The following RP1 variants were observed in gnomAD, a reference collection of about 807,000 sequenced individuals.
RP1 encodes RP1 axonemal microtubule associated.
A neutral mutation model predicts 14.8 loss-of-function variants in RP1; 16 were observed. The ratio of observed to expected loss-of-function variants is 1.08; its 90% confidence interval spans 0.73 to 1.65. The LOEUF (loss-of-function observed/expected upper bound fraction) is 1.65, where lower values mean the gene tolerates loss of function less well. Ranked by LOEUF, RP1 falls within the 40% of genes most tolerant of loss-of-function variation. RP1 has a pLI of 0.00. For synonymous variants in RP1, 876 were observed against 883.6 expected (o/e 0.99, Z 0.15); for missense variants, 2,631 against 2,535.0 (o/e 1.04, Z -0.81).
chr8:54,580,729 C>T (rs957420370), intron 1 of RP1, among the ~76,000 whole-genome samples: 4 of 151,976 alleles, frequency 2.6e-5, no homozygotes, highest in African/African-American at 9.7e-5. Flanking sequence ...AGTGATTCTC[C>T]TGCCCCAGCC....
intron 12 of RP1, among the ~76,000 whole-genome samples, chr8:54,683,825 C>T (rs1807489537): frequency 1.3e-5 from 2 of 152,118 alleles, no homozygotes; most frequent in African/African-American, 2.4e-5. Flanking sequence ...GCCAGGACTT[C>T]CAATAATATG....
At chr8:54,846,288 AGGT>A (rs1811918370) in intron 25 of RP1, among the ~76,000 whole-genome samples, 4 of 152,244 alleles carry the variant, frequency 2.6e-5, no homozygotes, top group Non-Finnish European at 2.9e-5. Context: ...GACATGGTCC[AGGT>A]TACTGCTATA....
At chr8:54,582,202 G>A (rs1237266248) in intron 1 of RP1, among the ~76,000 whole-genome samples, 2 of 151,932 alleles carry the variant, frequency 1.3e-5, no homozygotes, top group Non-Finnish European at 2.9e-5. Flanking sequence ...AAGGGATCCA[G>A]TTTCAGCTTT....
chr8:54,829,143 A>C (rs141480061), intron 24 of RP1, among the ~76,000 whole-genome samples: 96 of 151,976 alleles, frequency 6.3e-4, no homozygotes, highest in African/African-American at 2.2e-3. Context: ...ATAATCTTAC[A>C]AGACCACTGC....
At position 54,625,576 on chromosome 8, in the gene RP1, GT is replaced by G. The variant is rs1563330121; in HGVS notation, c.1697del (p.Leu566CysfsTer15). On this transcript the variant is annotated frameshift_variant, in exon 4 of 4. Coordinates refer to ENST00000220676, the MANE Select transcript of RP1 (RefSeq NM_006269.2). LOFTEE classifies it low-confidence loss of function (END_TRUNC). ...QKMLEMSHNN[G>X]LPSTISNNSI... ...ATGTTAGAGATGTCACATAATAATG[GT>G]TTGCCATCAACTATATCAAATAACT... 5 of 1,614,068 alleles carry G rather than the reference GT, an allele frequency of 3.1e-6. No individual in the cohort carries two copies. The highest frequency in any genetic ancestry group is 4.2e-6 in the Non-Finnish European group (5 of 1,180,002).
chr8:54,773,847 C>T (rs1809970309), downstream of RP1, among the ~76,000 whole-genome samples: 1 of 152,088 alleles, frequency 6.6e-6, no homozygotes, highest in Non-Finnish European at 1.5e-5. Flanking sequence ...ATTCTTGGAG[C>T]ACTTACTCAT....
At chr8:54,800,120 T>C (rs1207722087) in intron 24 of RP1, among the ~76,000 whole-genome samples, 1 of 152,170 alleles carries the variant, frequency 6.6e-6, no homozygotes, top group Non-Finnish European at 1.5e-5. Flanking sequence ...TATGGAATTC[T>C]GGATTGCCAG....
intron 24 of RP1, among the ~76,000 whole-genome samples, chr8:54,830,896 A>T (rs984196516): frequency 6.6e-6 from 1 of 152,038 alleles, no homozygotes; most frequent in African/African-American, 2.4e-5. Context: ...GCAACCAGTA[A>T]TCTGTTTTCT....
At chr8:54,720,777 A>G (rs1018127480) in intron 16 of RP1, among the ~76,000 whole-genome samples, 1 of 152,240 alleles carries the variant, frequency 6.6e-6, no homozygotes, top group Non-Finnish European at 1.5e-5. Flanking sequence ...AGAAATGTGA[A>G]TATTTTGAAA....
rs1810244518 is a variant in RP1, at chr8:54,783,647, T to C, written c.3552T>C (p.Gly1184=). 17 of 1,231,332 alleles carry C rather than the reference T, an allele frequency of 1.4e-5. No individual in the cohort carries two copies. In the South Asian group the frequency reaches 6.2e-4, roughly 45 times the overall value. 76.3% of individuals were successfully genotyped at this position (1,231,332 alleles called of 1,614,324 possible). A position where few individuals can be genotyped will look rare whatever the true frequency, so the allele number is the denominator to read the frequency against. Residue 1184 remains glycine, a synonymous_variant, in exon 24 of 29, where the codon GGT becomes GGC. Coordinates refer to the RP1 transcript ENST00000637698. Reference sequence around the variant, plus strand: ...TCTATGGAGAAACAAAATGTTCAGGTCCTATTATTTTGGGATCTGGGAAAC... The same window carrying C: ...TCTATGGAGAAACAAAATGTTCAGGCCCTATTATTTTGGGATCTGGGAAAC...
At chr8:54,678,502 A>C (rs753180781) in exon 9 of RP1, 6 of 1,534,182 alleles carry the variant, frequency 3.9e-6, no homozygotes, top group African/African-American at 1.4e-5. Flanking sequence ...CAAGGATCCC[A>C]CAACAAATTA....
intron 19 of RP1, among the ~76,000 whole-genome samples, chr8:54,753,964 A>T (rs886586078): frequency 6.6e-6 from 1 of 152,210 alleles, no homozygotes; most frequent in Non-Finnish European, 1.5e-5. Flanking sequence ...ATTAGCTGGA[A>T]TCTTAAAAGG....
At chr8:54,677,363 T>A (rs976012788) in intron 8 of RP1, among the ~76,000 whole-genome samples, 3 of 152,020 alleles carry the variant, frequency 2.0e-5, no homozygotes, top group African/African-American at 7.2e-5. Context: ...TTGGCACCAC[T>A]CAATAACGGG....
intron 14 of RP1, among the ~76,000 whole-genome samples, chr8:54,705,015 CTT>C (rs939684685): frequency 5.9e-5 from 9 of 151,932 alleles, no homozygotes; most frequent in Admixed American, 5.2e-4. Context: ...GAACGTGAAA[CTT>C]TTAAGGCTCT....
chr8:54,751,246 T>C (rs1343664027), intron 19 of RP1, among the ~76,000 whole-genome samples: 2 of 152,232 alleles, frequency 1.3e-5, no homozygotes, highest in South Asian at 2.1e-4. Flanking sequence ...TGTTTTGATC[T>C]CATTTTATTA....
intron 19 of RP1, among the ~76,000 whole-genome samples, chr8:54,745,318 G>A (rs752083352): frequency 2.2e-4 from 33 of 151,996 alleles, no homozygotes; most frequent in Non-Finnish European, 3.8e-4. Context: ...GGAAAGGTTG[G>A]GTAACCTGAC....
chr8:54,663,943 A>T (rs986376899), intron 7 of RP1: 2 of 1,225,308 alleles, frequency 1.6e-6, no homozygotes, highest in African/African-American at 3.1e-5. Context: ...AGAGTTTTTA[A>T]TTTCACAGTT....
At chr8:54,769,185 C>T (rs746640111) in intron 22 of RP1, among the ~76,000 whole-genome samples, 4 of 152,186 alleles carry the variant, frequency 2.6e-5, no homozygotes, top group East Asian at 3.9e-4. Flanking sequence ...TGAGCCACCA[C>T]GCCTGGCCAA....
intron 1 of RP1, among the ~76,000 whole-genome samples, chr8:54,577,986 T>C (rs536991129): frequency 8.1e-4 from 123 of 152,174 alleles, no homozygotes; most frequent in African/African-American, 2.8e-3. Flanking sequence ...TTAGGGTACA[T>C]GTGCACAATG....
Sources: gnomAD v4.1 joint callset for allele counts (sites outside exome capture counted in the v4.1 genomes callset) on GRCh38, gnomAD v4.1.1 for gene constraint, MANE v1.5 for transcripts, NCBI Gene and HGNC (gene_info 2026-07-23, HGNC 2026-07-21) for gene names.